The following MCOLN2 variants were observed in gnomAD, a reference collection of about 807,000 sequenced individuals.
MCOLN2 encodes mucolipin-2.
Under a neutral mutation model 67.5 loss-of-function variants are expected in MCOLN2, and 57 were observed. The ratio of observed to expected loss-of-function variants is 0.84; its 90% confidence interval spans 0.68 to 1.05. MCOLN2 has a LOEUF of 1.05. Among genes scored for constraint, MCOLN2 ranks in the 50% least tolerant of loss-of-function variants. The probability of loss-of-function intolerance (pLI) is 0.00; values close to 1 mark genes in which losing one functional copy is unlikely to be tolerated. For synonymous variants in MCOLN2, 246 were observed against 233.3 expected (o/e 1.05, Z -0.50); for missense variants, 620 against 678.8 (o/e 0.91, Z 0.96).
At chr1:84,974,232 C>T (rs1649886724) in intron 1 of MCOLN2, among the ~76,000 whole-genome samples, 2 of 152,106 alleles carry the variant, frequency 1.3e-5, no homozygotes, top group African/African-American at 4.8e-5. Context: ...AGGACTGCAA[C>T]TCTAGGCGAG....
intron 1 of MCOLN2, among the ~76,000 whole-genome samples, chr1:84,988,956 C>T (rs375271675): frequency 9.2e-5 from 14 of 152,204 alleles, no homozygotes; most frequent in African/African-American, 3.1e-4. Context: ...TTCCTGTCAC[C>T]CTTCATCTCT....
intron 12 of MCOLN2, 84 bp downstream of exon 12, chr1:84,931,278 T>A: frequency 1.1e-6 from 1 of 890,830 alleles, no homozygotes; most frequent in South Asian, 1.6e-5. Context: ...TGTAATATTT[T>A]AAGTTTTTAA....
intron 2 of MCOLN2, among the ~76,000 whole-genome samples, chr1:84,962,776 T>G (rs551771625): frequency 2.0e-4 from 30 of 152,278 alleles, no homozygotes; most frequent in Middle Eastern, 6.8e-3. Context: ...AGATGAAAAC[T>G]TGTTGGAAAG....
intron 1 of MCOLN2, among the ~76,000 whole-genome samples, chr1:84,969,795 A>C (rs771787812): frequency 6.6e-6 from 1 of 152,214 alleles, no homozygotes; most frequent in Non-Finnish European, 1.5e-5. Context: ...TAGAAGAGAA[A>C]GACTTGTCAA....
At chr1:84,970,096 T>C (rs758518239) in intron 1 of MCOLN2, among the ~76,000 whole-genome samples, 3 of 152,228 alleles carry the variant, frequency 2.0e-5, no homozygotes, top group Non-Finnish European at 4.4e-5. Flanking sequence ...TCAGCAATAC[T>C]GAATTTAGTG....
chr1:84,981,951 CA>C (rs34458601), intron 1 of MCOLN2, among the ~76,000 whole-genome samples: 65,876 of 151,128 alleles, frequency 0.44, 15,012 homozygotes, highest in East Asian at 0.63. Flanking sequence ...AATGTACCCA[CA>C]AAAATTAAAA....
At chr1:84,987,667 T>TAGAA (rs1321279581) in intron 1 of MCOLN2, among the ~76,000 whole-genome samples, 1 of 144,226 alleles carries the variant, frequency 6.9e-6, no homozygotes. Flanking sequence ...CATATGTATA[T>TAGAA]ATGTATATAG....
chr1:84,947,728 T>C (rs142922440), intron 6 of MCOLN2, among the ~76,000 whole-genome samples: 68 of 152,366 alleles, frequency 4.5e-4, no homozygotes, highest in Non-Finnish European at 9.1e-4. Flanking sequence ...TAAGCTGCTA[T>C]GGCATGACAC....
At chr1:84,946,966 C>T in intron 7 of MCOLN2, 67 bp downstream of exon 7, 4 of 791,614 alleles carry the variant, frequency 5.1e-6, no homozygotes, top group Non-Finnish European at 8.7e-6. Flanking sequence ...TTTAAATACC[C>T]CAAGCCACAA....
At chr1:84,978,315 T>C in intron 1 of MCOLN2, among the ~76,000 whole-genome samples, 1 of 151,822 alleles carries the variant, frequency 6.6e-6, no homozygotes, top group Non-Finnish European at 1.5e-5. Context: ...AATCTAATGA[T>C]ACATCTTATA....
At position 84,996,939 on chromosome 1, in the gene MCOLN2, T is replaced by A. The variant is rs1041750204; in HGVS notation, c.-67A>T. ...ACAGGAAACACCGTTCACGGCCGAC[T>A]CATTTCGCCCTCGCCGTAACGCGTC... On this transcript the variant is annotated 5_prime_UTR_variant, in exon 1 of 14. Transcript: ENST00000370608. 33 of 1,426,054 alleles carry A rather than the reference T, an allele frequency of 2.3e-5. No homozygotes were observed. Among genetic ancestry groups the A allele is most frequent in the Admixed American group, 1.0e-4 (6 of 58,324 alleles). The allele number at this position is 1,426,054 out of a possible 1,614,324, so 88.3% of individuals were successfully genotyped here.
chr1:84,953,479 G>A (rs563403989), intron 4 of MCOLN2, among the ~76,000 whole-genome samples: 18 of 151,478 alleles, frequency 1.2e-4, no homozygotes, highest in Non-Finnish European at 2.4e-4. Context: ...GAACCCGGGA[G>A]GCAGAGGTTT....
intron 11 of MCOLN2, among the ~76,000 whole-genome samples, chr1:84,932,497 G>A (rs779594052): frequency 3.9e-5 from 6 of 152,144 alleles, no homozygotes; most frequent in Non-Finnish European, 7.3e-5. Flanking sequence ...ACAGGCATGA[G>A]CCACTGTGCT....
intron 2 of MCOLN2, among the ~76,000 whole-genome samples, chr1:84,960,571 A>G (rs1649034289): frequency 6.6e-6 from 1 of 152,220 alleles, no homozygotes; most frequent in Non-Finnish European, 1.5e-5. Flanking sequence ...AAACTCAGCT[A>G]TTCTAAGGAA....
At chr1:84,988,886 T>C (rs1479085821) in intron 1 of MCOLN2, among the ~76,000 whole-genome samples, 1 of 152,118 alleles carries the variant, frequency 6.6e-6, no homozygotes, top group Non-Finnish European at 1.5e-5. Flanking sequence ...CTCTGCACAT[T>C]TCACTCACCA....
intron 2 of MCOLN2, among the ~76,000 whole-genome samples, chr1:84,960,557 G>T (rs943098608): frequency 1.3e-5 from 2 of 152,182 alleles, no homozygotes; most frequent in Non-Finnish European, 2.9e-5. Flanking sequence ...TTGTGCAACT[G>T]CTAAAACTCA....
At position 84,945,107 on chromosome 1, in the gene MCOLN2, G is replaced by T. The variant is rs577632146; in HGVS notation, c.847+1926C>A. The stretch of plus-strand genomic sequence containing the variant: ...TTACCCAGTGGTCTAGGAGGCTTGT[G>T]TTTCTCCTCATTGGCCACAGGAGGG... On this transcript the variant is annotated intron_variant, in intron 7 of 13. Coordinates refer to ENST00000370608, the MANE Select transcript of MCOLN2 (RefSeq NM_153259.4). Among the ~76,000 whole-genome samples the T allele has an allele frequency of 7.0e-4, 107 of 152,108 alleles. 1 individual carries two copies. The highest frequency in any genetic ancestry group is 2.8e-3 in the Admixed American group (42 of 15,270).
At chr1:84,956,312 C>T in intron 4 of MCOLN2, 119 bp downstream of exon 4, 1 of 927,854 alleles carries the variant, frequency 1.1e-6, no homozygotes, top group East Asian at 2.5e-5. Flanking sequence ...AGTGTCAGCC[C>T]CTAACAGGTT....
chr1:84,991,149 T>G (rs780752632), intron 1 of MCOLN2, among the ~76,000 whole-genome samples: 1 of 152,152 alleles, frequency 6.6e-6, no homozygotes, highest in Non-Finnish European at 1.5e-5. Flanking sequence ...ATGGGCCATT[T>G]CAAAAAGAAA....
Sources: gnomAD v4.1 joint callset for allele counts (sites outside exome capture counted in the v4.1 genomes callset) on GRCh38, gnomAD v4.1.1 for gene constraint, MANE v1.5 for transcripts, NCBI Gene and HGNC (gene_info 2026-07-23, HGNC 2026-07-21) for gene names.